DEPDC7: variants seen among roughly 807,000 people sequenced by gnomAD.
DEPDC7 encodes the protein DEP domain-containing protein 7.
In DEPDC7, 41 loss-of-function variants were observed where a neutral mutation model predicts 56.6. That is an observed-to-expected ratio of 0.72 (90% CI 0.56 to 0.94). The LOEUF is 0.94. Ranked by LOEUF, DEPDC7 falls within the 40% of genes least tolerant of loss-of-function variation. The probability of loss-of-function intolerance (pLI) is 0.00; values close to 1 mark genes in which losing one functional copy is unlikely to be tolerated. For missense variants in DEPDC7, 522 were observed against 596.3 expected, an observed-to-expected ratio of 0.88 and a Z score of 1.30; for synonymous variants, 185 against 208.8, an observed-to-expected ratio of 0.89 and a Z score of 0.98.
intron 2 of DEPDC7, 141 bp downstream of exon 2, chr11:33,026,190 G>A: frequency 1.1e-6 from 1 of 906,166 alleles, no homozygotes; most frequent in Non-Finnish European, 1.7e-6. Flanking sequence ...TTGATAAAGT[G>A]CGATGAAATT....
At chr11:33,016,527 C>G (rs1843435640) in intron 1 of DEPDC7, 1 of 1,614,082 alleles carries the variant, frequency 6.2e-7, no homozygotes, top group Non-Finnish European at 8.5e-7. Context: ...TCCCCAGACT[C>G]TTCCTGGGAG....
chr11:33,016,312 G>C, intron 1 of DEPDC7: 1 of 1,392,120 alleles, frequency 7.2e-7, no homozygotes, highest in Non-Finnish European at 9.3e-7. Context: ...TGGTCTGTGC[G>C]CCCGCTAACG....
At position 33,025,741 on chromosome 11, in the gene DEPDC7, G is replaced by GA. The variant is rs1298674971; in HGVS notation, c.162dup (p.Arg55ThrfsTer9). 6.2e-7 allele frequency: 1 copy of GA among 1,614,048 alleles called. No homozygotes were observed. The highest frequency in any genetic ancestry group is 1.3e-5 in the African/African-American group (1 of 74,932). ...ACACTCTTCAAACACAAGTGGAAGT[G>GA]AAAAAACGAAGGCACCGTTTAAAAC... On this transcript the variant is annotated frameshift_variant, in exon 2 of 9. Coordinates refer to ENST00000241051, the MANE Select transcript of DEPDC7 (RefSeq NM_001077242.2). LOFTEE classifies it high-confidence loss of function.
At chr11:33,025,426 G>C (rs1271831684) in intron 1 of DEPDC7, among the ~76,000 whole-genome samples, 1 of 152,114 alleles carries the variant, frequency 6.6e-6, no homozygotes, top group African/African-American at 2.4e-5. Flanking sequence ...CTGAGAACAG[G>C]AATCTTATTT....
At chr11:33,018,510 G>C (rs1438781075) in intron 1 of DEPDC7, among the ~76,000 whole-genome samples, 1 of 152,090 alleles carries the variant, frequency 6.6e-6, no homozygotes, top group Non-Finnish European at 1.5e-5. Flanking sequence ...CTCATCTCCT[G>C]TTGGCCTTTA....
Position 33,015,952 on chromosome 11 carries a change from G to A in DEPDC7, c.-4G>A, listed in dbSNP as rs774879060. The A allele has an allele frequency of 3.2e-5, 50 of 1,574,496 alleles. No individual in the cohort carries two copies. Among genetic ancestry groups the A allele is most frequent in the Non-Finnish European group, 3.1e-5 (36 of 1,160,904 alleles). On this transcript the variant is annotated 5_prime_UTR_variant, in exon 1 of 9. Coordinates refer to ENST00000241051, the MANE Select transcript of DEPDC7 (RefSeq NM_001077242.2). ...GAGGAGTTGGCGTCCGGGGAGCAAG[G>A]GCCATGGCCACCGTGCAGGAGAAGG...
At chr11:33,025,129 GTTC>G (rs952977782) in intron 1 of DEPDC7, among the ~76,000 whole-genome samples, 2 of 151,966 alleles carry the variant, frequency 1.3e-5, no homozygotes, top group African/African-American at 4.8e-5. Flanking sequence ...CTAACTTCCT[GTTC>G]TTCTCTCCCT....
Position 33,032,674 on chromosome 11 carries a change from A to C in DEPDC7, c.1144A>C (p.Asn382His), listed in dbSNP as rs761086708. ...SEFKLQKESD[N>H]RMVVKRIFSK... is the part of the protein sequence containing the mutation. ...ATTTGTTTTATTTTTATAGAGTGAC[A>C]ACCGAATGGTTGTGAAAAGGATATT... is the stretch of plus-strand genomic sequence containing the variant. Residue 382 changes from asparagine (N) to histidine (H), a missense_variant, in exon 7 of 9, where the codon AAC (asparagine) becomes CAC (histidine). Coordinates refer to ENST00000241051, the MANE Select transcript of DEPDC7 (RefSeq NM_001077242.2). 2 of 1,579,766 alleles carry C rather than the reference A, an allele frequency of 1.3e-6. No homozygotes were observed. Among genetic ancestry groups the C allele is most frequent in the African/African-American group, 2.7e-5 (2 of 73,170 alleles).
At chr11:33,016,184 C>T in intron 1 of DEPDC7, 156 bp downstream of exon 1, 1 of 1,262,762 alleles carries the variant, frequency 7.9e-7, no homozygotes, top group Non-Finnish European at 9.9e-7. Context: ...ACTTGGCCAA[C>T]GCCCCCGCCG....
rs1325734333 is a variant in DEPDC7, at chr11:33,028,674, T to C, written c.664T>C (p.Ser222Pro). Residue 222 changes from serine to proline, a missense_variant, in exon 4 of 9, where the codon TCC becomes CCC. By Grantham distance (74) the Ser-to-Pro change is moderately conservative. Transcript: ENST00000241051. Reference protein sequence around the residue: ...LQLVDLPLLDSLLKQQEAVPK... With the variant: ...LQLVDLPLLDPLLKQQEAVPK... ...ACTTGTAGACCTTCCACTTCTTGAC[T>C]CCTTACTGAAACAGCAAGAGGCTGT... is the stretch of plus-strand genomic sequence containing the variant. 1.2e-6 allele frequency: 2 copies of C among 1,613,868 alleles called. No individual in the cohort carries two copies. Among genetic ancestry groups the C allele is most frequent in the Admixed American group, 1.7e-5 (1 of 59,920 alleles).
chr11:33,031,204 C>T (rs1042402985), intron 4 of DEPDC7, among the ~76,000 whole-genome samples, 174 bp from the exon 5 acceptor site: 4 of 152,154 alleles, frequency 2.6e-5, no homozygotes, highest in African/African-American at 4.8e-5. Flanking sequence ...AAATGTGATA[C>T]GTGATCTAGC....
chr11:33,031,346 C>T (rs1853630344), intron 4 of DEPDC7, 32 bp from the exon 5 acceptor site: 2 of 1,523,232 alleles, frequency 1.3e-6, no homozygotes, highest in Non-Finnish European at 1.8e-6. Context: ...TCTTCCCTTG[C>T]CTTTTAAATA....
In DEPDC7 at chr11:33,031,581, A is replaced by C; in HGVS notation, c.986A>C (p.Glu329Ala). 6.2e-7 allele frequency: 1 copy of C among 1,611,894 alleles called. No homozygotes were observed. Among genetic ancestry groups the C allele is most frequent in the Non-Finnish European group, 8.5e-7 (1 of 1,177,962 alleles). ...HLSDVHNGIA[E>A]LLVNGKTEIA... ...TCTGACGTTCATAATGGAATTGCAG[A>C]ACTCTTAGGTAAGTAAGATCTAACT... Residue 329 changes from glutamate to alanine, a missense_variant, in exon 5 of 9, where the codon GAA becomes GCA. Coordinates refer to ENST00000241051, the MANE Select transcript of DEPDC7 (RefSeq NM_001077242.2).
In DEPDC7 at chr11:33,019,993, T is replaced by C. The variant is rs901999715; in HGVS notation, c.73+3965T>C. Among the ~76,000 whole-genome samples the C allele has an allele frequency of 4.6e-5, 7 of 152,062 alleles. No homozygotes were observed. The East Asian group carries it at 1.4e-3, about 29-fold the overall frequency. On this transcript the variant is annotated intron_variant, in intron 1 of 8. Coordinates refer to ENST00000241051, the MANE Select transcript of DEPDC7 (RefSeq NM_001077242.2). ...ATTCTGTGTGTATGTTTACCTTACA[T>C]TGGGATCCAATTTTATAATGTGTAT...
At chr11:33,018,935 T>C (rs977558095) in intron 1 of DEPDC7, among the ~76,000 whole-genome samples, 1 of 152,222 alleles carries the variant, frequency 6.6e-6, no homozygotes, top group African/African-American at 2.4e-5. Context: ...ATTAACATAT[T>C]GTCTCATGAT....
In DEPDC7 at chr11:33,032,913, G is replaced by GT. The variant is rs1564966630; in HGVS notation, c.1289dup (p.Ser431LysfsTer3). 6.2e-7 allele frequency: 1 copy of GT among 1,604,326 alleles called. No individual in the cohort carries two copies. The highest frequency in any genetic ancestry group is 1.1e-5 in the South Asian group (1 of 88,432). ...GATTCCTGGAACTCTACATAAAATT[G>GT]TAAGTGTTAAGCTTATGGCCATACA... On this transcript the variant is annotated frameshift_variant, in exon 8 of 9. Coordinates refer to ENST00000241051, the MANE Select transcript of DEPDC7 (RefSeq NM_001077242.2). LOFTEE classifies it high-confidence loss of function.
At chr11:33,031,121 C>T (rs1308768537) in intron 4 of DEPDC7, among the ~76,000 whole-genome samples, 1 of 152,104 alleles carries the variant, frequency 6.6e-6, no homozygotes, top group Non-Finnish European at 1.5e-5. Flanking sequence ...CTCTTTTCAC[C>T]TCTGTGTTGT....
chr11:33,016,458 G>C (rs570187003), intron 1 of DEPDC7: 1 of 1,596,332 alleles, frequency 6.3e-7, no homozygotes, highest in Admixed American at 1.8e-5. Flanking sequence ...GCCAGGGGCC[G>C]AGCTCCTCCC....
At position 33,023,085 on chromosome 11, in the gene DEPDC7, C is replaced by T. The variant is rs149496576; in HGVS notation, c.74-2574C>T. Among the ~76,000 whole-genome samples, 143 of 151,862 alleles carry T rather than the reference C, an allele frequency of 9.4e-4. 1 individual carries two copies. Among genetic ancestry groups the T allele is most frequent in the African/African-American group, 3.1e-3 (129 of 41,400 alleles). On this transcript the variant is annotated intron_variant, in intron 1 of 8. Coordinates refer to ENST00000241051, the MANE Select transcript of DEPDC7 (RefSeq NM_001077242.2). ...CTAAAAAAAAATACAAAAAATTAGCCGGGCGTGGTGGCGGGCACCTGTAGT... is the reference window on the plus strand; with the variant it reads ...CTAAAAAAAAATACAAAAAATTAGCTGGGCGTGGTGGCGGGCACCTGTAGT...
Sources: allele counts gnomAD v4.1 joint callset (sites outside exome capture counted in the v4.1 genomes callset), GRCh38; gene constraint gnomAD v4.1.1; transcripts MANE v1.5; gene names NCBI Gene and HGNC (gene_info 2026-07-23, HGNC 2026-07-21).